The following HMOX1 variants were observed in gnomAD, a reference collection of about 807,000 sequenced individuals.
The protein encoded by HMOX1 is heat shock protein, 32-kD.
Under a neutral mutation model 27.8 loss-of-function variants are expected in HMOX1, and 22 were observed. The observed-to-expected ratio is 0.79, with a 90% CI of 0.57 to 1.13. The LOEUF is 1.13. Ranked by LOEUF, HMOX1 falls within the 50% of genes most tolerant of loss-of-function variation. The pLI, the probability that HMOX1 is intolerant of heterozygous loss-of-function variation, is 0.00. For missense variants in HMOX1, 379 were observed against 377.7 expected (o/e 1.00, Z -0.03); for synonymous variants, 153 against 151.6 (o/e 1.01, Z -0.07).
In HMOX1 at chr22:35,386,949, T is replaced by C; in HGVS notation, c.409T>C (p.Tyr137His). Residue 137 changes from tyrosine to histidine, a missense_variant, in exon 3 of 5, where the codon TAC becomes CAC. Tyr to His is a moderately conservative substitution (Grantham distance 83). Coordinates refer to ENST00000216117, the MANE Select transcript of HMOX1 (RefSeq NM_002133.3). The stretch of plus-strand genomic sequence containing the variant: ...GCTGGTGGCCCACGCCTACACCCGC[T>C]ACCTGGGTGACCTGTCTGGGGGCCA... ...ELLVAHAYTR[Y>H]LGDLSGGQVL... The C allele has an allele frequency of 6.2e-7, 1 of 1,614,050 alleles. No individual in the cohort carries two copies. The highest frequency in any genetic ancestry group is 8.5e-7 in the Non-Finnish European group (1 of 1,180,004).
intron 2 of HMOX1, 60 bp from the exon 3 acceptor site, chr22:35,386,625 C>G: frequency 6.2e-7 from 1 of 1,610,448 alleles, no homozygotes; most frequent in Non-Finnish European, 8.5e-7. Context: ...GTGGACGGGA[C>G]GGACAGAGGT....
rs775316710 is a variant in HMOX1 at position 35,381,171 on chromosome 22, C to A, written c.-3C>A. 2 of 1,543,032 alleles carry A rather than the reference C, an allele frequency of 1.3e-6. No individual in the cohort carries two copies. Among genetic ancestry groups the A allele is most frequent in the East Asian group, 2.4e-5 (1 of 41,528 alleles). On this transcript the variant is annotated 5_prime_UTR_variant, in exon 1 of 5. Transcript: ENST00000216117. ...CAGCACGAACGAGCCCAGCACCGGC[C>A]GGATGGAGCGTCCGCAACCCGACAG...
intron 4 of HMOX1, among the ~76,000 whole-genome samples, chr22:35,392,783 T>A (rs1457962434): frequency 1.3e-5 from 2 of 150,208 alleles, no homozygotes; most frequent in Admixed American, 6.7e-5. Flanking sequence ...AGTGGCGCAA[T>A]CTTGGCTCAC....
chr22:35,383,141 C>T lies in HMOX1; in HGVS notation c.59C>T (p.Ala20Val). 6.2e-7 allele frequency: 1 copy of T among 1,613,756 alleles called. No homozygotes were observed. Among genetic ancestry groups the T allele is most frequent in the Non-Finnish European group, 8.5e-7 (1 of 1,179,736 alleles). Residue 20 changes from alanine to valine, a missense_variant, in exon 2 of 5, where the codon GCC (alanine) becomes GTC (valine). Ala to Val is a moderately conservative substitution (Grantham distance 64). Transcript: ENST00000216117. ...GATTTGTCAGAGGCCCTGAAGGAGG[C>T]CACCAAGGAGGTGCACACCCAGGCA... is the stretch of plus-strand genomic sequence containing the variant. Reference protein sequence around the residue: ...PQDLSEALKEATKEVHTQAEN... With the variant: ...PQDLSEALKEVTKEVHTQAEN...
chr22:35,389,215 C>CTTTCTTTCTT lies in HMOX1; in HGVS notation c.637-648_637-647insTTCTTTCTTT, dbSNP rs1449903335. Among the ~76,000 whole-genome samples, 318 of 112,190 alleles carry CTTTCTTTCTT rather than the reference C, an allele frequency of 2.8e-3. 20 individuals are homozygous for CTTTCTTTCTT. Among genetic ancestry groups the CTTTCTTTCTT allele is most frequent in the Middle Eastern group, 8.8e-3 (2 of 226 alleles). 73.6% of individuals were successfully genotyped at this position (112,190 alleles called of 152,430 possible). A position where few individuals can be genotyped will look rare whatever the true frequency, so the allele number is the denominator to read the frequency against. The stretch of plus-strand genomic sequence containing the variant: ...TTTCTTTCTTTCTTTCTTTCTTTCT[C>CTTTCTTTCTT]TCTTTCTTTCTTTCTTTCTTTCTTT... On this transcript the variant is annotated intron_variant, in intron 3 of 4. Coordinates refer to ENST00000216117, the MANE Select transcript of HMOX1 (RefSeq NM_002133.3).
chr22:35,391,192 A>G (rs974440286), intron 4 of HMOX1, among the ~76,000 whole-genome samples: 1 of 152,128 alleles, frequency 6.6e-6, no homozygotes, highest in Non-Finnish European at 1.5e-5. Context: ...AGCAGTTCTC[A>G]AAGTGTGGTA....
rs780810520 is a variant in HMOX1, at chr22:35,393,587, T to C, written c.856T>C (p.Tyr286His). 5.0e-6 allele frequency: 8 copies of C among 1,614,116 alleles called. No individual in the cohort carries two copies. In the African/African-American group the frequency reaches 8.0e-5, roughly 16 times the overall value. The stretch of plus-strand genomic sequence containing the variant: ...GGTGGCGACAGTTGCTGTAGGGCTT[T>C]ATGCCATGTGAATGCAGGCATGCTG... ...FLVATVAVGL[Y>H]AM Residue 286 changes from tyrosine to histidine, a missense_variant, in exon 5 of 5, where the codon TAT (tyrosine) becomes CAT (histidine). By Grantham distance (83) the Tyr-to-His change is moderately conservative (BLOSUM62 2). Transcript: ENST00000216117.
chr22:35,392,234 A>G (rs1337025232), intron 4 of HMOX1, among the ~76,000 whole-genome samples: 1 of 151,780 alleles, frequency 6.6e-6, no homozygotes, highest in African/African-American at 2.4e-5. Flanking sequence ...AAAAAAAAAA[A>G]AAAGAAAGAA....
chr22:35,383,167 G>A lies in HMOX1; in HGVS notation c.85G>A (p.Glu29Lys). The A allele has an allele frequency of 6.2e-7, 1 of 1,613,920 alleles. No homozygotes were observed. Among genetic ancestry groups the A allele is most frequent in the Non-Finnish European group, 8.5e-7 (1 of 1,179,828 alleles). The stretch of plus-strand genomic sequence containing the variant: ...CACCAAGGAGGTGCACACCCAGGCA[G>A]AGAATGCTGAGTTCATGAGGAACTT... The part of the protein sequence containing the change: ...EATKEVHTQA[E>K]NAEFMRNFQK... The change falls in exon 2 of 5, where the codon GAG (glutamate) becomes AAG (lysine). Residue 29 changes from glutamate to lysine, a missense_variant. Coordinates refer to ENST00000216117, the MANE Select transcript of HMOX1 (RefSeq NM_002133.3).
chr22:35,383,307 T>A, intron 2 of HMOX1, 81 bp downstream of exon 2: 1 of 1,521,710 alleles, frequency 6.6e-7, no homozygotes, highest in Non-Finnish European at 9.0e-7. Context: ...GTGGTTTAAG[T>A]GGGGATGCTG....
In HMOX1 at chr22:35,386,870, C is replaced by A; in HGVS notation, c.330C>A (p.Ala110=). ...RWQEVIPYTP[A]MQRYVKRLHE... ...AGGAGGTCATCCCCTACACACCAGC[C>A]ATGCAGCGCTATGTGAAGCGGCTCC... Residue 110 remains alanine, a synonymous_variant, in exon 3 of 5, where the codon GCC becomes GCA. Coordinates refer to ENST00000216117, the MANE Select transcript of HMOX1 (RefSeq NM_002133.3). 1.2e-6 allele frequency: 2 copies of A among 1,614,188 alleles called. No individual in the cohort carries two copies. The highest frequency in any genetic ancestry group is 1.7e-6 in the Non-Finnish European group (2 of 1,180,042).
At chr22:35,384,987 C>T (rs576169114) in intron 2 of HMOX1, among the ~76,000 whole-genome samples, 1 of 151,984 alleles carries the variant, frequency 6.6e-6, no homozygotes, top group South Asian at 2.1e-4. Context: ...CTTTCTGTCC[C>T]CTCAAGGAAT....
At chr22:35,386,272 T>A (rs1601741132) in intron 2 of HMOX1, among the ~76,000 whole-genome samples, 1 of 152,156 alleles carries the variant, frequency 6.6e-6, no homozygotes, top group Non-Finnish European at 1.5e-5. Context: ...AGCTAGTTTT[T>A]TAAAATAATT....
At chr22:35,389,319 C>CT (rs374997729) in intron 3 of HMOX1, among the ~76,000 whole-genome samples, 2,757 of 86,222 alleles carry the variant, frequency 0.032, 214 homozygotes, top group Middle Eastern at 0.049. Context: ...TTCTTTCTTT[C>CT]TTCTTTCTTT....
In HMOX1 at chr22:35,386,866, C is replaced by T; in HGVS notation, c.326C>T (p.Pro109Leu). Residue 109 changes from proline to leucine, a missense_variant, in exon 3 of 5, where the codon CCA (proline) becomes CTA (leucine). Transcript: ENST00000216117. ...TGGCAGGAGGTCATCCCCTACACAC[C>T]AGCCATGCAGCGCTATGTGAAGCGG... ...PRWQEVIPYT[P>L]AMQRYVKRLH... The T allele has an allele frequency of 6.2e-7, 1 of 1,614,162 alleles. No individual in the cohort carries two copies. Among genetic ancestry groups the T allele is most frequent in the Non-Finnish European group, 8.5e-7 (1 of 1,180,030 alleles).
intron 2 of HMOX1, among the ~76,000 whole-genome samples, chr22:35,384,301 C>G (rs1601740157): frequency 1.3e-5 from 2 of 152,162 alleles, no homozygotes. Flanking sequence ...CCAGGCTGGT[C>G]TCGAACTCCT....
At chr22:35,381,715 C>T (rs371308486) in intron 1 of HMOX1, among the ~76,000 whole-genome samples, 32 of 152,212 alleles carry the variant, frequency 2.1e-4, no homozygotes, top group African/African-American at 7.0e-4. Flanking sequence ...GGGCCTTGAA[C>T]CTTGGTCTGC....
intron 2 of HMOX1, among the ~76,000 whole-genome samples, chr22:35,384,168 G>A (rs887114803): frequency 1.3e-5 from 2 of 151,798 alleles, no homozygotes; most frequent in Admixed American, 6.6e-5. Flanking sequence ...TGAAACCTCC[G>A]CATCCTAAGT....
Position 35,387,001 on chromosome 22 carries a change from C to T in HMOX1, c.461C>T (p.Ala154Val). ...GTGCTCAAAAAGATTGCCCAGAAAGCCCTGGACCTGCCCAGCTCTGGCGAG... is the reference window on the plus strand; with the variant it reads ...GTGCTCAAAAAGATTGCCCAGAAAGTCCTGGACCTGCCCAGCTCTGGCGAG... ...GQVLKKIAQK[A>V]LDLPSSGEGL... Residue 154 changes from alanine (A) to valine (V), a missense_variant, in exon 3 of 5, where the codon GCC (alanine) becomes GTC (valine). Physicochemically the swap from Ala to Val is moderately conservative, Grantham distance 64 (BLOSUM62 0). Transcript: ENST00000216117. 14 of 1,613,912 alleles carry T rather than the reference C, an allele frequency of 8.7e-6. No individual in the cohort carries two copies. Among genetic ancestry groups the T allele is most frequent in the Non-Finnish European group, 1.2e-5 (14 of 1,180,032 alleles).
Sources: gnomAD v4.1 joint callset for allele counts (sites outside exome capture counted in the v4.1 genomes callset) on GRCh38, gnomAD v4.1.1 for gene constraint, MANE v1.5 for transcripts, NCBI Gene and HGNC (gene_info 2026-07-23, HGNC 2026-07-21) for gene names.